The following FBN1 variants were observed in gnomAD, a reference collection of about 807,000 sequenced individuals.
FBN1 encodes fibrillin 1.
A neutral mutation model predicts 365.1 loss-of-function variants in FBN1; 29 were observed. That is an observed-to-expected ratio of 0.08 (90% CI 0.06 to 0.11). FBN1 has a LOEUF of 0.11. Among genes scored for constraint, FBN1 ranks in the 10% least tolerant of loss-of-function variants. FBN1 has a pLI of 1.00. For synonymous variants in FBN1, 1,210 were observed against 1,270.5 expected (o/e 0.95, Z 1.01); for missense variants, 2,476 against 3,703.2 (o/e 0.67, Z 8.60).
intron 65 of FBN1, 133 bp from the exon 66 acceptor site, chr15:48,411,512 AT>A: frequency 1.3e-6 from 1 of 793,764 alleles, no homozygotes; most frequent in South Asian, 1.5e-5. Flanking sequence ...TATTGAAAGC[AT>A]TTTGTTTAGA....
chr15:48,428,588 C>T (rs958522893), intron 56 of FBN1, 117 bp from the exon 57 acceptor site: 6 of 1,128,306 alleles, frequency 5.3e-6, no homozygotes, highest in Non-Finnish European at 8.0e-6. Context: ...CCCTTTGTTC[C>T]TTTCTCCTTT....
intron 6 of FBN1, among the ~76,000 whole-genome samples, chr15:48,539,246 A>G (rs1234316440): frequency 6.6e-6 from 1 of 152,182 alleles, no homozygotes; most frequent in Non-Finnish European, 1.5e-5. Flanking sequence ...ACCTCTGTTC[A>G]ATGGTGTTGC....
In FBN1 at chr15:48,503,779, C is replaced by G. The variant is rs763708195; in HGVS notation, c.2113+8G>C. On this transcript the variant is annotated splice_region_variant and intron_variant, in intron 17 of 65. Transcript: ENST00000316623. ...GCAGTACGAGGGCATCTCCATGATA[C>G]CACATACCTGAATTCTGTGCAGGAC... 3 of 1,613,620 alleles carry G rather than the reference C, an allele frequency of 1.9e-6. No individual in the cohort carries two copies. In the Admixed American group the frequency reaches 5.0e-5, roughly 27 times the overall value.
At chr15:48,522,527 C>T (rs1436723327) in intron 9 of FBN1, among the ~76,000 whole-genome samples, 1 of 152,066 alleles carries the variant, frequency 6.6e-6, no homozygotes, top group African/African-American at 2.4e-5. Context: ...AAGCAAAGAT[C>T]TTTCATAGCC....
chr15:48,622,374 T>C (rs1222236535), intron 2 of FBN1, among the ~76,000 whole-genome samples: 3 of 152,086 alleles, frequency 2.0e-5, no homozygotes, highest in East Asian at 1.9e-4. Flanking sequence ...ACAGCATGCA[T>C]GGTAAGCTCA....
In FBN1 at chr15:48,488,349, T is replaced by C. The variant is rs2043527508; in HGVS notation, c.3208+19A>G. The C allele has an allele frequency of 6.2e-7, 1 of 1,614,118 alleles. No homozygotes were observed. Among genetic ancestry groups the C allele is most frequent in the Non-Finnish European group, 8.5e-7 (1 of 1,180,036 alleles). On this transcript the variant is annotated intron_variant, in intron 26 of 65. Coordinates refer to ENST00000316623, the MANE Select transcript of FBN1 (RefSeq NM_000138.5). ...TAAAGGACGTCCCCTCTCCTGGCCC[T>C]TAAGGCTCATTAACTGACCTGTGCA...
chr15:48,462,050 T>C (rs1462663947), intron 42 of FBN1, among the ~76,000 whole-genome samples: 1 of 152,196 alleles, frequency 6.6e-6, no homozygotes, highest in African/African-American at 2.4e-5. Context: ...GTGGTTATTA[T>C]ATTATTTCTG....
chr15:48,454,452 A>G (rs2141258011), intron 44 of FBN1, among the ~76,000 whole-genome samples: 1 of 147,094 alleles, frequency 6.8e-6, no homozygotes, highest in South Asian at 2.3e-4. Flanking sequence ...AAACAAAACA[A>G]CAACAACAAA....
chr15:48,411,886 A>C (rs2042866715), intron 65 of FBN1, among the ~76,000 whole-genome samples: 3 of 152,240 alleles, frequency 2.0e-5, no homozygotes, highest in Non-Finnish European at 4.4e-5. Flanking sequence ...GAACCAGACT[A>C]TTTCAATTTG....
intron 6 of FBN1, among the ~76,000 whole-genome samples, chr15:48,542,833 T>TGTGTG (rs1566923409): frequency 9.3e-6 from 1 of 108,008 alleles, no homozygotes; most frequent in Non-Finnish European, 1.8e-5. Flanking sequence ...GTGTGTGTAT[T>TGTGTG]TTTTTTCCTT....
At chr15:48,465,966 A>G (rs1214252365) in intron 38 of FBN1, 108 bp from the exon 39 acceptor site, 1 of 795,938 alleles carries the variant, frequency 1.3e-6, no homozygotes, top group Non-Finnish European at 2.1e-6. Flanking sequence ...CATTTTCAGG[A>G]ATCTTTAGTT....
chr15:48,506,060 T>C (rs1270938550), intron 15 of FBN1, among the ~76,000 whole-genome samples: 1 of 151,976 alleles, frequency 6.6e-6, no homozygotes, highest in African/African-American at 2.4e-5. Flanking sequence ...CCATCTCTAC[T>C]AAAAATACAA....
intron 6 of FBN1, among the ~76,000 whole-genome samples, chr15:48,550,283 T>C (rs969025156): frequency 2.6e-5 from 4 of 152,112 alleles, no homozygotes; most frequent in African/African-American, 9.7e-5. Flanking sequence ...GGGCAGAGCG[T>C]GTAGAAAGAT....
At chr15:48,576,582 G>T (rs2044349518) in intron 6 of FBN1, among the ~76,000 whole-genome samples, 1 of 152,308 alleles carries the variant, frequency 6.6e-6, no homozygotes, top group East Asian at 1.9e-4. Context: ...GAGGGAGGGA[G>T]AGATAGATGC....
At chr15:48,428,020 C>T in intron 57 of FBN1, 1 of 680,026 alleles carries the variant, frequency 1.5e-6, no homozygotes. Flanking sequence ...TCTCTCTGCT[C>T]CCAGAAATAC....
chr15:48,466,154 T>C (rs2043320289), intron 38 of FBN1, among the ~76,000 whole-genome samples: 1 of 152,228 alleles, frequency 6.6e-6, no homozygotes, highest in African/African-American at 2.4e-5. Flanking sequence ...TTATTTCTTT[T>C]TACAGATTTT....
intron 6 of FBN1, among the ~76,000 whole-genome samples, chr15:48,578,986 C>T (rs142811382): frequency 0.1 from 14,774 of 145,558 alleles, 2,649 homozygotes; most frequent in African/African-American, 0.36. Flanking sequence ...TGCACATGTA[C>T]CCTAAAACTT....
rs2043017973 is a variant in FBN1 at position 48,430,776 on chromosome 15, G to A, written c.6766C>T (p.His2256Tyr). Reference protein sequence around the residue: ...KDEDECEEGKHDCTEKQMECK... With the variant: ...KDEDECEEGKYDCTEKQMECK... ...TCCATTTGTTTTTCAGTACAGTCAT[G>A]TTTTCCCTCTTCACACTCATCCTCA... Residue 2256 changes from histidine (H) to tyrosine (Y), a missense_variant, in exon 56 of 66, where the codon CAT (histidine) becomes TAT (tyrosine). Physicochemically the swap from His to Tyr is moderately conservative, Grantham distance 83. Around this residue, in one of 5 missense-constraint regions of FBN1, gnomAD observed 1,780 missense variants for 2,840.8 expected, o/e 0.63. Coordinates refer to ENST00000316623, the MANE Select transcript of FBN1 (RefSeq NM_000138.5). 6.2e-6 allele frequency: 10 copies of A among 1,613,820 alleles called. No individual in the cohort carries two copies. The highest frequency in any genetic ancestry group is 7.6e-6 in the Non-Finnish European group (9 of 1,179,838).
At chr15:48,563,874 T>C (rs1372571639) in intron 6 of FBN1, among the ~76,000 whole-genome samples, 1 of 152,188 alleles carries the variant, frequency 6.6e-6, no homozygotes, top group African/African-American at 2.4e-5. Flanking sequence ...ATGCAGATTT[T>C]TTGTGATACA....
Sources: allele counts gnomAD v4.1 joint callset (sites outside exome capture counted in the v4.1 genomes callset), GRCh38; gene constraint gnomAD v4.1.1; regional missense constraint gnomAD v4.1.1; transcripts MANE v1.5; gene names NCBI Gene and HGNC (gene_info 2026-07-23, HGNC 2026-07-21).